Variants in RASAL2 observed in about 807,000 individuals in gnomAD.
RASAL2 encodes the protein ras GTPase-activating protein nGAP.
Under a neutral mutation model 128.9 loss-of-function variants are expected in RASAL2, and 58 were observed. That is an observed-to-expected ratio of 0.45 (90% CI 0.36 to 0.56). The LOEUF (loss-of-function observed/expected upper bound fraction) is 0.56, where lower values mean the gene tolerates loss of function less well. RASAL2 is among the 20% of genes least tolerant of loss of function. RASAL2 has a pLI of 0.00. For missense variants in RASAL2, 1,360 were observed against 1,601.6 expected, an observed-to-expected ratio of 0.85 and a Z score of 2.57; for synonymous variants, 561 against 580.8, an observed-to-expected ratio of 0.97 and a Z score of 0.49.
intron 1 of RASAL2, among the ~76,000 whole-genome samples, chr1:178,189,987 T>C (rs1179406066): frequency 6.6e-6 from 1 of 152,108 alleles, no homozygotes; most frequent in African/African-American, 2.4e-5. Context: ...AGTAGTGTCA[T>C]GTCAAGGGGG....
At chr1:178,341,704 CT>C in intron 3 of RASAL2, 2 of 1,548,318 alleles carry the variant, frequency 1.3e-6, no homozygotes, top group Admixed American at 1.8e-5. Flanking sequence ...GACTATTTAC[CT>C]TTATGATTAT....
intron 3 of RASAL2, among the ~76,000 whole-genome samples, chr1:178,375,961 C>T (rs1195080274): frequency 6.6e-6 from 1 of 151,988 alleles, no homozygotes; most frequent in Non-Finnish European, 1.5e-5. Context: ...ATATTCTAAG[C>T]ATCTGTAGGT....
intron 1 of RASAL2, among the ~76,000 whole-genome samples, chr1:178,175,713 A>C (rs1033851100): frequency 6.6e-6 from 1 of 150,616 alleles, no homozygotes; most frequent in African/African-American, 2.4e-5. Context: ...CCGCCTTCTG[A>C]GTTTCCAAAG....
At chr1:178,239,750 T>G (rs1664409204) in intron 1 of RASAL2, among the ~76,000 whole-genome samples, 1 of 151,990 alleles carries the variant, frequency 6.6e-6, no homozygotes, top group Non-Finnish European at 1.5e-5. Context: ...CGTTTAAGAT[T>G]GTGTGATGAT....
At chr1:178,326,031 C>T (rs548330153) in intron 3 of RASAL2, among the ~76,000 whole-genome samples, 3 of 152,142 alleles carry the variant, frequency 2.0e-5, no homozygotes, top group Non-Finnish European at 2.9e-5. Context: ...TTTGATTCTA[C>T]ATATAGCTAT....
chr1:178,387,680 C>T (rs934992780), intron 3 of RASAL2, among the ~76,000 whole-genome samples: 5 of 152,080 alleles, frequency 3.3e-5, no homozygotes, highest in Non-Finnish European at 7.3e-5. Flanking sequence ...CAGTTTCATC[C>T]GTGTCCCTAC....
intron 1 of RASAL2, among the ~76,000 whole-genome samples, chr1:178,178,132 T>C (rs1353231063): frequency 1.3e-5 from 2 of 152,164 alleles, no homozygotes; most frequent in South Asian, 2.1e-4. Flanking sequence ...TCCAAACATT[T>C]AGACGTAAGA....
chr1:178,162,212 G>A (rs1401986779), intron 1 of RASAL2, among the ~76,000 whole-genome samples: 11 of 146,268 alleles, frequency 7.5e-5, no homozygotes, highest in South Asian at 6.3e-4. Flanking sequence ...TGATCTGCCC[G>A]CGTCGGCCTC....
chr1:178,217,686 A>G (rs1280135779), intron 1 of RASAL2, among the ~76,000 whole-genome samples: 6 of 152,230 alleles, frequency 3.9e-5, no homozygotes, highest in Non-Finnish European at 5.9e-5. Flanking sequence ...AAAAACTGCT[A>G]ATGATCATCT....
intron 3 of RASAL2, among the ~76,000 whole-genome samples, chr1:178,331,194 T>C (rs941675740): frequency 4.0e-4 from 61 of 152,304 alleles, no homozygotes; most frequent in African/African-American, 1.4e-3. Context: ...TATTTTTGTT[T>C]TTTAAGACGG....
intron 1 of RASAL2, among the ~76,000 whole-genome samples, chr1:178,133,147 A>G (rs1660184511): frequency 6.6e-6 from 1 of 152,180 alleles, no homozygotes; most frequent in Non-Finnish European, 1.5e-5. Context: ...GCAGTTTGGT[A>G]TGTTTTAGAG....
intron 1 of RASAL2, among the ~76,000 whole-genome samples, chr1:178,270,772 A>G (rs1236088498): frequency 3.9e-5 from 6 of 152,130 alleles, no homozygotes; most frequent in Admixed American, 3.3e-4. Context: ...TGCCCATTTT[A>G]AGGGCTTTAC....
intron 1 of RASAL2, among the ~76,000 whole-genome samples, chr1:178,270,286 A>G (rs770367994): frequency 2.3e-4 from 35 of 151,630 alleles, no homozygotes; most frequent in Non-Finnish European, 4.4e-4. Context: ...TTCACAAATG[A>G]TTTCCTCATT....
At chr1:178,288,306 T>C (rs889947042) in intron 2 of RASAL2, among the ~76,000 whole-genome samples, 1 of 152,202 alleles carries the variant, frequency 6.6e-6, no homozygotes, top group African/African-American at 2.4e-5. Flanking sequence ...TTCTCCTGTT[T>C]CCTCAAACTG....
intron 5 of RASAL2, among the ~76,000 whole-genome samples, chr1:178,428,764 A>G (rs1572056866): frequency 6.6e-6 from 1 of 151,892 alleles, no homozygotes; most frequent in Non-Finnish European, 1.5e-5. Context: ...CCAGTTTAAG[A>G]TATTACAAAA....
intron 1 of RASAL2, among the ~76,000 whole-genome samples, chr1:178,112,676 C>T (rs1659372553): frequency 6.8e-6 from 1 of 147,414 alleles, no homozygotes; most frequent in Admixed American, 7.0e-5. Flanking sequence ...ACTGCATATT[C>T]TCACTCATAG....
At chr1:178,140,231 G>A (rs939777292) in intron 1 of RASAL2, among the ~76,000 whole-genome samples, 5 of 152,078 alleles carry the variant, frequency 3.3e-5, no homozygotes, top group African/African-American at 1.2e-4. Flanking sequence ...GAAAAATTGT[G>A]CAGAAAATAC....
chr1:178,300,564 G>A (rs1056213242), intron 3 of RASAL2, among the ~76,000 whole-genome samples: 1 of 152,214 alleles, frequency 6.6e-6, no homozygotes, highest in African/African-American at 2.4e-5. Flanking sequence ...ATTTAGCTAA[G>A]TTAATCTTGC....
chr1:178,219,555 C>A (rs759576080), intron 1 of RASAL2, among the ~76,000 whole-genome samples: 3 of 149,568 alleles, frequency 2.0e-5, no homozygotes, highest in Non-Finnish European at 3.0e-5. Flanking sequence ...GTGGGAGCAT[C>A]GTTGGTCAAG....
Sources: allele counts gnomAD v4.1 joint callset (sites outside exome capture counted in the v4.1 genomes callset), GRCh38; gene constraint gnomAD v4.1.1; transcripts MANE v1.5; gene names NCBI Gene and HGNC (gene_info 2026-07-23, HGNC 2026-07-21).